Variants in IPO11 observed in about 807,000 individuals in gnomAD.
IPO11 encodes the protein importin 11, also known as importin-11.
Under a neutral mutation model 143.2 loss-of-function variants are expected in IPO11, and 66 were observed. The observed-to-expected ratio is 0.46, with a 90% CI of 0.38 to 0.57. The LOEUF is 0.57. Among genes scored for constraint, IPO11 ranks in the 20% least tolerant of loss-of-function variants. The probability of loss-of-function intolerance (pLI) is 0.00; values close to 1 mark genes in which losing one functional copy is unlikely to be tolerated. For synonymous variants in IPO11, 385 were observed against 377.8 expected (o/e 1.02, Z -0.22); for missense variants, 1,026 against 1,141.0 (o/e 0.90, Z 1.45).
intron 27 of IPO11, among the ~76,000 whole-genome samples, chr5:62,571,523 G>A (rs1212654048): frequency 6.6e-6 from 1 of 152,132 alleles, no homozygotes; most frequent in African/African-American, 2.4e-5. Context: ...TATTCAGTAG[G>A]TACATCTCTT....
intron 3 of IPO11, among the ~76,000 whole-genome samples, chr5:62,443,961 G>T (rs115371499): frequency 2.6e-5 from 4 of 152,128 alleles, no homozygotes; most frequent in African/African-American, 9.7e-5. Context: ...CTTAAAAGCC[G>T]TAAGACCTTT....
At chr5:62,546,130 T>C (rs927359309) in intron 24 of IPO11, among the ~76,000 whole-genome samples, 9 of 152,224 alleles carry the variant, frequency 5.9e-5, no homozygotes, top group Non-Finnish European at 1.0e-4. Context: ...ATCATGCTGC[T>C]ATAAAGACAC....
intron 28 of IPO11, among the ~76,000 whole-genome samples, chr5:62,599,379 C>T (rs1351107687): frequency 6.6e-6 from 1 of 152,118 alleles, no homozygotes; most frequent in African/African-American, 2.4e-5. Context: ...ATTTGATACC[C>T]TGAAGTAGAG....
intron 5 of IPO11, among the ~76,000 whole-genome samples, chr5:62,455,375 T>C (rs1030213486): frequency 3.3e-5 from 5 of 151,964 alleles, no homozygotes; most frequent in Non-Finnish European, 5.9e-5. Flanking sequence ...CAAAAAAAAT[T>C]AGCTGGGCAT....
chr5:62,598,413 TTTC>T, intron 28 of IPO11, among the ~76,000 whole-genome samples: 1 of 10,924 alleles, frequency 9.2e-5, no homozygotes, highest in African/African-American at 1.7e-3. Flanking sequence ...TCTTTCTTTC[TTTC>T]TTTCTTTCTT....
intron 28 of IPO11, among the ~76,000 whole-genome samples, chr5:62,598,565 T>G (rs200463350): frequency 1.2e-4 from 5 of 40,926 alleles, no homozygotes; most frequent in African/African-American, 3.5e-4. Context: ...TTTTTTTTTT[T>G]ATGGAGTCTT....
chr5:62,615,244 C>T lies in IPO11; in HGVS notation c.2764-11910C>T, dbSNP rs564315410. Among the ~76,000 whole-genome samples the T allele has an allele frequency of 1.6e-4, 24 of 152,262 alleles. No homozygotes were observed. In the South Asian group the frequency reaches 1.9e-3, roughly 12 times the overall value. On this transcript the variant is annotated intron_variant, in intron 29 of 29. Transcript: ENST00000325324. ...ACTGCCCTCTTCTACCCAGTATTTC[C>T]GTTTTCTGTCTGTGTCAGAACAACC...
chr5:62,526,284 A>G (rs1442041437), intron 21 of IPO11, 27 bp downstream of exon 21: 6 of 1,455,920 alleles, frequency 4.1e-6, no homozygotes, highest in Non-Finnish European at 5.8e-6. Flanking sequence ...AATACCATGG[A>G]TCTTATTTTA....
At chr5:62,599,674 G>A (rs1431246646) in intron 28 of IPO11, among the ~76,000 whole-genome samples, 2 of 152,146 alleles carry the variant, frequency 1.3e-5, no homozygotes, top group African/African-American at 4.8e-5. Context: ...GATCTATTCG[G>A]TGATTTCTGC....
chr5:62,589,395 T>C (rs1744928626), intron 27 of IPO11, among the ~76,000 whole-genome samples: 1 of 152,168 alleles, frequency 6.6e-6, no homozygotes, highest in African/African-American at 2.4e-5. Flanking sequence ...TTGCTCTCTT[T>C]GTATCCCCTA....
intron 24 of IPO11, among the ~76,000 whole-genome samples, chr5:62,545,211 A>G (rs768233951): frequency 2.0e-5 from 3 of 152,242 alleles, no homozygotes; most frequent in Non-Finnish European, 4.4e-5. Flanking sequence ...CTACAAGGCT[A>G]CATTAACCAA....
intron 27 of IPO11, among the ~76,000 whole-genome samples, chr5:62,565,697 C>T (rs534756227): frequency 2.0e-5 from 3 of 151,946 alleles, no homozygotes; most frequent in South Asian, 2.1e-4. Context: ...AAATACAGAA[C>T]GTGTAGGTTT....
intron 5 of IPO11, among the ~76,000 whole-genome samples, chr5:62,460,335 G>A (rs1745310763): frequency 6.6e-6 from 1 of 151,790 alleles, no homozygotes; most frequent in Non-Finnish European, 1.5e-5. Context: ...CCATTGACTT[G>A]TTAAAAAAAA....
chr5:62,425,598 G>A (rs1210232724), intron 1 of IPO11, among the ~76,000 whole-genome samples: 1 of 152,166 alleles, frequency 6.6e-6, no homozygotes, highest in Non-Finnish European at 1.5e-5. Context: ...GATTATAGGC[G>A]TGAGCCACCA....
rs1374628745 is a variant in IPO11 at position 62,579,614 on chromosome 5, C to T, written c.2583-11963C>T. ...CTTTCGAGTATTCCTAAGAATTTTC[C>T]TGAAAGTACAGTTTTTCTGTATCTG... On this transcript the variant is annotated intron_variant, in intron 27 of 29. Transcript: ENST00000325324. 4 of 1,550,794 alleles carry T rather than the reference C, an allele frequency of 2.6e-6. No individual in the cohort carries two copies. In the African/African-American group the frequency reaches 5.5e-5, roughly 21 times the overall value.
intron 27 of IPO11, among the ~76,000 whole-genome samples, chr5:62,573,721 A>G (rs1378918984): frequency 6.6e-6 from 1 of 152,228 alleles, no homozygotes; most frequent in Non-Finnish European, 1.5e-5. Flanking sequence ...CCATATTCCA[A>G]TTACAAAAAT....
chr5:62,624,475 A>G (rs1201549431), intron 29 of IPO11, among the ~76,000 whole-genome samples: 1 of 71,072 alleles, frequency 1.4e-5, no homozygotes, highest in East Asian at 2.8e-4. Flanking sequence ...TATAATTAAC[A>G]TGTAATGAGT....
At chr5:62,598,415 TC>T (rs1561380507) in intron 28 of IPO11, among the ~76,000 whole-genome samples, 1,735 of 14,236 alleles carry the variant, frequency 0.12, 377 homozygotes, top group African/African-American at 0.47. Context: ...TTTCTTTCTT[TC>T]TTTCTTTCTT....
chr5:62,481,841 T>A (rs1213837568), intron 9 of IPO11, among the ~76,000 whole-genome samples: 1 of 152,196 alleles, frequency 6.6e-6, no homozygotes, highest in African/African-American at 2.4e-5. Flanking sequence ...TTTCTATTGA[T>A]TGGAATAGTT....
Sources: gnomAD v4.1 joint callset for allele counts (sites outside exome capture counted in the v4.1 genomes callset) on GRCh38, gnomAD v4.1.1 for gene constraint, MANE v1.5 for transcripts, NCBI Gene and HGNC (gene_info 2026-07-23, HGNC 2026-07-21) for gene names.